Variants in CHSY3 observed in about 807,000 individuals in gnomAD.
CHSY3 encodes chondroitin sulfate synthase 3.
CHSY3 carries 35 observed loss-of-function variants against 67.2 expected under a neutral mutation model. The ratio of observed to expected loss-of-function variants is 0.52; its 90% CI spans 0.40 to 0.69. The LOEUF (loss-of-function observed/expected upper bound fraction) is 0.69, where lower values mean the gene tolerates loss of function less well. Ranked by LOEUF, CHSY3 falls within the 30% of genes least tolerant of loss-of-function variation. CHSY3 has a pLI of 0.00. For missense variants in CHSY3, 1,069 were observed against 1,138.5 expected (o/e 0.94, Z 0.88); for synonymous variants, 474 against 434.7 (o/e 1.09, Z -1.12).
At chr5:129,938,127 C>T (rs1426977413) in intron 2 of CHSY3, among the ~76,000 whole-genome samples, 4 of 152,222 alleles carry the variant, frequency 2.6e-5, no homozygotes, top group Non-Finnish European at 4.4e-5. Context: ...AGCCACCAAA[C>T]GTGGGGCTTG....
chr5:130,038,324 C>A (rs962004546), intron 2 of CHSY3, among the ~76,000 whole-genome samples: 1 of 152,084 alleles, frequency 6.6e-6, no homozygotes, highest in African/African-American at 2.4e-5. Flanking sequence ...CAGCATTGCT[C>A]TATTACATTC....
chr5:130,170,122 C>T (rs1312952143), intron 2 of CHSY3, among the ~76,000 whole-genome samples: 1 of 151,892 alleles, frequency 6.6e-6, no homozygotes, highest in Non-Finnish European at 1.5e-5. Context: ...ATTTTTCTAC[C>T]CTTGCCCCCT....
chr5:129,914,334 A>T (rs1561452215), intron 2 of CHSY3, among the ~76,000 whole-genome samples: 1 of 152,154 alleles, frequency 6.6e-6, no homozygotes, highest in Non-Finnish European at 1.5e-5. Flanking sequence ...GATGGCCTCG[A>T]ACTCCCAACC....
intron 2 of CHSY3, among the ~76,000 whole-genome samples, chr5:129,934,542 G>A (rs1224400986): frequency 2.0e-5 from 3 of 152,098 alleles, no homozygotes; most frequent in Non-Finnish European, 4.4e-5. Flanking sequence ...AGCCTATTAG[G>A]AAGGTAACTG....
intron 2 of CHSY3, among the ~76,000 whole-genome samples, chr5:129,917,247 G>A (rs184491602): frequency 1.4e-4 from 21 of 152,254 alleles, no homozygotes; most frequent in Admixed American, 1.3e-3. Flanking sequence ...CCTCATATCT[G>A]AGGTGCATTG....
chr5:129,943,135 A>G (rs2149595983), intron 2 of CHSY3, among the ~76,000 whole-genome samples: 1 of 152,016 alleles, frequency 6.6e-6, no homozygotes, highest in East Asian at 1.9e-4. Flanking sequence ...TTTTTCTTTC[A>G]TTTGAACTAA....
intron 2 of CHSY3, among the ~76,000 whole-genome samples, chr5:130,176,117 A>G (rs188534057): frequency 1.3e-5 from 2 of 152,340 alleles, no homozygotes; most frequent in Admixed American, 1.3e-4. Context: ...CAAAGGGCTA[A>G]TATCCAGAAT....
rs372623474 is a variant in CHSY3, at chr5:130,160,908, TA to T, written c.1087-23320del. 6.6e-3 allele frequency among the ~76,000 whole-genome samples: 898 copies of T among 135,546 alleles called. 13 individuals carry two copies. Among genetic ancestry groups the T allele is most frequent in the African/African-American group, 0.024 (816 of 33,590 alleles). The allele number at this position is 135,546 out of a possible 152,430, so 88.9% of individuals were successfully genotyped here. A position where few individuals can be genotyped will look rare whatever the true frequency, so the allele number is the denominator to read the frequency against. On this transcript the variant is annotated intron_variant, in intron 2 of 2. Coordinates refer to ENST00000305031, the MANE Select transcript of CHSY3 (RefSeq NM_175856.5). Reference sequence around the variant, plus strand: ...ATTTATTTATTTATTTTTTTTTTTTTATTTTTTTTTTTTTGAGACGGAGTCT... The same window carrying T: ...ATTTATTTATTTATTTTTTTTTTTTTTTTTTTTTTTTTTGAGACGGAGTCT...
chr5:130,143,792 A>ATATATATATGTGTG (rs1768972188), intron 2 of CHSY3, among the ~76,000 whole-genome samples: 1 of 88,294 alleles, frequency 1.1e-5, no homozygotes, highest in Non-Finnish European at 2.0e-5. Flanking sequence ...GTGTATATAT[A>ATATATATATGTGTG]TATATATATA....
chr5:129,910,106 T>C (rs1042377028), intron 2 of CHSY3, among the ~76,000 whole-genome samples: 44 of 151,988 alleles, frequency 2.9e-4, no homozygotes, highest in African/African-American at 1.1e-3. Context: ...AATATAGGCC[T>C]TTGTTCTGGT....
intron 2 of CHSY3, among the ~76,000 whole-genome samples, chr5:129,939,841 CT>C (rs1266171584): frequency 6.6e-6 from 1 of 152,088 alleles, no homozygotes; most frequent in African/African-American, 2.4e-5. Context: ...AACTTAAAGT[CT>C]GAGGATATAA....
At chr5:129,935,411 A>C (rs1761455698) in intron 2 of CHSY3, among the ~76,000 whole-genome samples, 1 of 152,206 alleles carries the variant, frequency 6.6e-6, no homozygotes, top group Non-Finnish European at 1.5e-5. Context: ...TCTTCTGCCA[A>C]ATAAATAAGG....
intron 2 of CHSY3, among the ~76,000 whole-genome samples, chr5:129,941,313 A>G (rs1324886550): frequency 6.6e-6 from 1 of 152,226 alleles, no homozygotes; most frequent in African/African-American, 2.4e-5. Context: ...ATATCTTTGT[A>G]TAAACACATG....
chr5:130,072,525 T>G (rs1766109174), intron 2 of CHSY3, among the ~76,000 whole-genome samples: 1 of 152,118 alleles, frequency 6.6e-6, no homozygotes, highest in South Asian at 2.1e-4. Flanking sequence ...AGTGTGTCTG[T>G]TTTTATGCCA....
chr5:130,108,495 C>T (rs916518686), intron 2 of CHSY3, among the ~76,000 whole-genome samples: 1 of 151,494 alleles, frequency 6.6e-6, no homozygotes, highest in African/African-American at 2.4e-5. Flanking sequence ...TTTATTCTTT[C>T]AGAAATAATT....
intron 2 of CHSY3, among the ~76,000 whole-genome samples, chr5:130,080,253 T>C (rs1371009361): frequency 6.6e-6 from 1 of 152,058 alleles, no homozygotes; most frequent in Non-Finnish European, 1.5e-5. Context: ...CATTATACCA[T>C]GTACCCATCT....
chr5:130,076,450 A>C, intron 2 of CHSY3, among the ~76,000 whole-genome samples: 1 of 151,102 alleles, frequency 6.6e-6, no homozygotes, highest in East Asian at 1.9e-4. Context: ...AAGAAAAGAA[A>C]CCTTTTTTTT....
At chr5:130,040,856 G>A (rs189321948) in intron 2 of CHSY3, among the ~76,000 whole-genome samples, 107 of 152,092 alleles carry the variant, frequency 7.0e-4, no homozygotes, top group Non-Finnish European at 1.3e-3. Flanking sequence ...CCTTTGTGAG[G>A]CCCCTATATG....
chr5:129,990,921 A>G (rs995169945), intron 2 of CHSY3, among the ~76,000 whole-genome samples: 1 of 152,150 alleles, frequency 6.6e-6, no homozygotes, highest in East Asian at 1.9e-4. Flanking sequence ...TACAGAGCAC[A>G]TAACCCAGCC....
Sources: allele counts gnomAD v4.1 joint callset (sites outside exome capture counted in the v4.1 genomes callset), GRCh38; gene constraint gnomAD v4.1.1; transcripts MANE v1.5; gene names NCBI Gene and HGNC (gene_info 2026-07-23, HGNC 2026-07-21).